The following UGGT1 variants were observed in gnomAD, a reference collection of about 807,000 sequenced individuals.
The protein encoded by UGGT1 is UDP-glucose:glycoprotein glucosyltransferase 1.
UGGT1 carries 107 observed loss-of-function variants against 203.9 expected under a neutral mutation model. That is an observed-to-expected ratio of 0.52 (90% CI 0.45 to 0.62). The LOEUF is 0.62. Among genes scored for constraint, UGGT1 ranks in the 20% least tolerant of loss-of-function variants. The pLI, the probability that UGGT1 is intolerant of heterozygous loss-of-function variation, is 0.00. For missense variants in UGGT1, 1,673 were observed against 1,867.2 expected (o/e 0.90, Z 1.92); for synonymous variants, 628 against 653.5 (o/e 0.96, Z 0.59).
chr2:128,158,549 T>G (rs942493510), intron 22 of UGGT1, among the ~76,000 whole-genome samples: 1 of 152,262 alleles, frequency 6.6e-6, no homozygotes, highest in Non-Finnish European at 1.5e-5. Context: ...TATAGAGTCC[T>G]TTTTCATTCT....
chr2:128,114,422 A>C lies in UGGT1; in HGVS notation c.697-702A>C, dbSNP rs116822422. On this transcript the variant is annotated intron_variant, in intron 6 of 40. Coordinates refer to ENST00000259253, the MANE Select transcript of UGGT1 (RefSeq NM_020120.4). ...CGTGAGTCACTGTGCTTGGCCATAA[A>C]ATTTTAAATGAAAATTTGTACAAGC... Among the ~76,000 whole-genome samples the C allele has an allele frequency of 4.8e-3, 725 of 152,184 alleles. 1 individual carries two copies. The highest frequency in any genetic ancestry group is 8.8e-3 in the Non-Finnish European group (596 of 68,012).
intron 15 of UGGT1, 80 bp downstream of exon 15, chr2:128,135,041 A>G: frequency 8.2e-7 from 1 of 1,219,778 alleles, no homozygotes; most frequent in South Asian, 1.3e-5. Context: ...GTCTGGTGCT[A>G]CTGAGTTGTA....
intron 26 of UGGT1, among the ~76,000 whole-genome samples, chr2:128,166,741 G>A (rs369499596): frequency 1.4e-4 from 21 of 152,138 alleles, no homozygotes; most frequent in Admixed American, 4.6e-4. Context: ...AGAGCCCTGC[G>A]CAGTAATGTA....
At chr2:128,113,282 CT>C in intron 6 of UGGT1, 24 bp downstream of exon 6, 1 of 1,539,740 alleles carries the variant, frequency 6.5e-7, no homozygotes, top group Non-Finnish European at 8.8e-7. Flanking sequence ...TATTTTACAC[CT>C]GTTTTGAATG....
intron 32 of UGGT1, among the ~76,000 whole-genome samples, chr2:128,177,121 T>A (rs942752277): frequency 6.6e-6 from 1 of 152,146 alleles, no homozygotes; most frequent in Non-Finnish European, 1.5e-5. Context: ...CCATCTTATA[T>A]AAAATATTCT....
At chr2:128,188,573 A>C (rs369939789) in intron 40 of UGGT1, among the ~76,000 whole-genome samples, 1 of 152,238 alleles carries the variant, frequency 6.6e-6, no homozygotes, top group East Asian at 1.9e-4. Context: ...ATAATTGTAC[A>C]TATTTGTGGA....
In UGGT1 at chr2:128,143,234, TTTC is replaced by T; in HGVS notation, c.1851+12_1851+14del. ...ATGATCGGAATCGGAAGGTAAAAAATTTCTTTGTGTTTCTTATTTGATTGCAAC... is the reference window on the plus strand; with the variant it reads ...ATGATCGGAATCGGAAGGTAAAAAATTTTGTGTTTCTTATTTGATTGCAAC... On this transcript the variant is annotated intron_variant, in intron 17 of 40. Transcript: ENST00000259253. The T allele has an allele frequency of 6.2e-7, 1 of 1,612,256 alleles. No homozygotes were observed. The highest frequency in any genetic ancestry group is 8.5e-7 in the Non-Finnish European group (1 of 1,179,210).
chr2:128,119,906 T>G (rs1309831833), intron 8 of UGGT1, among the ~76,000 whole-genome samples: 1 of 151,934 alleles, frequency 6.6e-6, no homozygotes, highest in Non-Finnish European at 1.5e-5. Context: ...ACTGCAGGTA[T>G]AGCCGAAGTC....
chr2:128,162,198 T>C (rs900166801), intron 25 of UGGT1, among the ~76,000 whole-genome samples: 8 of 152,130 alleles, frequency 5.3e-5, no homozygotes. Flanking sequence ...TTCAAGTCTT[T>C]TGCCCATTTT....
chr2:128,188,912 A>G, intron 40 of UGGT1, among the ~76,000 whole-genome samples: 1 of 152,390 alleles, frequency 6.6e-6, no homozygotes, highest in East Asian at 1.9e-4. Context: ...AAGGTTATAT[A>G]GTAACCATAA....
At chr2:128,138,543 G>A (rs887589158) in intron 15 of UGGT1, among the ~76,000 whole-genome samples, 174 bp from the exon 16 acceptor site, 2 of 151,940 alleles carry the variant, frequency 1.3e-5, no homozygotes, top group Non-Finnish European at 2.9e-5. Flanking sequence ...TGTAAGTGGT[G>A]TATGTATACC....
intron 2 of UGGT1, 71 bp downstream of exon 2, chr2:128,097,635 G>GTGAGATTAT (rs1687174784): frequency 1.3e-6 from 2 of 1,561,568 alleles, no homozygotes; most frequent in Non-Finnish European, 1.7e-6. Flanking sequence ...ACATTCAGGA[G>GTGAGATTAT]CTTTTTAAGG....
intron 38 of UGGT1, 120 bp downstream of exon 38, chr2:128,183,909 G>GT: frequency 8.8e-6 from 3 of 339,876 alleles, no homozygotes; most frequent in East Asian, 5.5e-5. Flanking sequence ...GTTTTTTCAT[G>GT]GTGTGTGTGT....
At chr2:128,114,079 T>C (rs971929665) in intron 6 of UGGT1, among the ~76,000 whole-genome samples, 1 of 152,128 alleles carries the variant, frequency 6.6e-6, no homozygotes, top group Non-Finnish European at 1.5e-5. Flanking sequence ...CATAATAAGC[T>C]CAGTACTAAG....
At position 128,166,741 on chromosome 2, in the gene UGGT1, G is replaced by C. The variant is rs369499596; in HGVS notation, c.2921+1916G>C. Among the ~76,000 whole-genome samples, 14 of 152,136 alleles carry C rather than the reference G, an allele frequency of 9.2e-5. No homozygotes were observed. In the East Asian group the frequency reaches 9.6e-4, roughly 10 times the overall value. ...AATTGTTTCTAGGAAAGAGCCCTGC[G>C]CAGTAATGTATATAGCCTTTGCTGT... On this transcript the variant is annotated intron_variant, in intron 26 of 40. Coordinates refer to ENST00000259253, the MANE Select transcript of UGGT1 (RefSeq NM_020120.4).
chr2:128,151,235 C>G (rs62160070), intron 18 of UGGT1: 79,134 of 588,174 alleles, frequency 0.13, 7,116 homozygotes, highest in Non-Finnish European at 0.17. Flanking sequence ...TTCTGCTCCT[C>G]TTTTTGTTTC....
rs775651234 is a variant in UGGT1, at chr2:128,152,838, G to A, written c.2071G>A (p.Val691Ile). ...AGAGTATATCATGAATCAGCCAAATGTTGTTCCACGAATCAATTCTAGGAT... is the reference window on the plus strand; with the variant it reads ...AGAGTATATCATGAATCAGCCAAATATTGTTCCACGAATCAATTCTAGGAT... ...VVEYIMNQPN[V>I]VPRINSRILT... Residue 691 changes from valine (V) to isoleucine (I), a missense_variant, in exon 19 of 41, where the codon GTT becomes ATT. By Grantham distance (29) the Val-to-Ile change is conservative. Transcript: ENST00000259253. The A allele has an allele frequency of 1.9e-6, 3 of 1,613,768 alleles. No homozygotes were observed. The highest frequency in any genetic ancestry group is 1.7e-5 in the Admixed American group (1 of 59,962).
chr2:128,157,670 C>T (rs149887036), intron 22 of UGGT1, among the ~76,000 whole-genome samples: 5 of 152,220 alleles, frequency 3.3e-5, no homozygotes, highest in South Asian at 2.1e-4. Flanking sequence ...TGTACTGTAT[C>T]GGGGAGATGG....
At chr2:128,095,224 T>G (rs752808721) in intron 1 of UGGT1, among the ~76,000 whole-genome samples, 1 of 152,212 alleles carries the variant, frequency 6.6e-6, no homozygotes, top group Non-Finnish European at 1.5e-5. Context: ...TTATCTCTAA[T>G]TTCAGTAGGT....
Sources: gnomAD v4.1 joint callset for allele counts (sites outside exome capture counted in the v4.1 genomes callset) on GRCh38, gnomAD v4.1.1 for gene constraint, MANE v1.5 for transcripts, NCBI Gene and HGNC (gene_info 2026-07-23, HGNC 2026-07-21) for gene names.